Variants in MTUS2 observed in about 807,000 individuals in gnomAD.
MTUS2 encodes microtubule associated scaffold protein 2.
Under a neutral mutation model 114.1 loss-of-function variants are expected in MTUS2, and 40 were observed. The observed-to-expected ratio is 0.35, with a 90% CI of 0.27 to 0.46. The LOEUF (loss-of-function observed/expected upper bound fraction) is 0.46, where lower values mean the gene tolerates loss of function less well. Ranked by LOEUF, MTUS2 falls within the 20% of genes least tolerant of loss-of-function variation. The pLI, the probability that MTUS2 is intolerant of heterozygous loss-of-function variation, is 1.00. For missense variants in MTUS2, 1,679 were observed against 1,705.4 expected, an observed-to-expected ratio of 0.98 and a Z score of 0.27; for synonymous variants, 688 against 672.0, an observed-to-expected ratio of 1.02 and a Z score of -0.37.
chr13:29,154,090 C>A (rs1473266090), intron 5 of MTUS2, among the ~76,000 whole-genome samples: 3 of 152,186 alleles, frequency 2.0e-5, no homozygotes, highest in Non-Finnish European at 4.4e-5. Context: ...CTGTGTTGTT[C>A]CAGCCCTGGC....
At chr13:29,257,716 A>G (rs553745882) in intron 5 of MTUS2, among the ~76,000 whole-genome samples, 2 of 152,370 alleles carry the variant, frequency 1.3e-5, no homozygotes, top group South Asian at 4.1e-4. Flanking sequence ...ACCTACTGAC[A>G]TGTCAGGGAC....
chr13:29,158,358 C>CCCCTTT, intron 5 of MTUS2, among the ~76,000 whole-genome samples: 2 of 32,048 alleles, frequency 6.2e-5, no homozygotes, highest in Non-Finnish European at 1.0e-4. Context: ...GTCCACCCCG[C>CCCCTTT]TTTTTTTTTT....
intron 2 of MTUS2, among the ~76,000 whole-genome samples, chr13:28,891,858 C>CAA (rs1169875500): frequency 0.053 from 2,746 of 51,904 alleles, 122 homozygotes; most frequent in Admixed American, 0.074. Flanking sequence ...GACTCTGTCT[C>CAA]AAAAAAAAAA....
intron 4 of MTUS2, among the ~76,000 whole-genome samples, chr13:29,056,836 T>C (rs1351525750): frequency 1.3e-5 from 2 of 152,126 alleles, no homozygotes; most frequent in East Asian, 3.8e-4. Flanking sequence ...TTTTGGTTAT[T>C]TCTTGTCTTC....
chr13:29,082,057 T>C (rs930738759), intron 4 of MTUS2, among the ~76,000 whole-genome samples: 4 of 152,114 alleles, frequency 2.6e-5, no homozygotes, highest in African/African-American at 4.8e-5. Context: ...GTGATAGGAG[T>C]TGAGGCTTCA....
At chr13:29,267,875 G>A (rs1040654149) in intron 5 of MTUS2, among the ~76,000 whole-genome samples, 3 of 152,200 alleles carry the variant, frequency 2.0e-5, no homozygotes, top group Non-Finnish European at 4.4e-5. Flanking sequence ...CAAAGGAAGT[G>A]GGGGTGCTCA....
chr13:28,833,815 CTG>C (rs965142164), intron 1 of MTUS2, among the ~76,000 whole-genome samples: 15 of 151,900 alleles, frequency 9.9e-5, no homozygotes, highest in African/African-American at 2.7e-4. Context: ...TATACACAGA[CTG>C]TGAGAACTAA....
intron 5 of MTUS2, among the ~76,000 whole-genome samples, chr13:29,237,493 C>T (rs1166917242): frequency 6.6e-6 from 1 of 152,166 alleles, no homozygotes; most frequent in African/African-American, 2.4e-5. Flanking sequence ...TGGAATTCTC[C>T]AGGACCTGCA....
chr13:29,013,927 C>T (rs1488902077), intron 2 of MTUS2, among the ~76,000 whole-genome samples: 1 of 152,192 alleles, frequency 6.6e-6, no homozygotes, highest in Non-Finnish European at 1.5e-5. Flanking sequence ...TTATTATATC[C>T]TGTCTAGCTT....
chr13:29,410,378 C>T (rs1019035199), intron 8 of MTUS2, among the ~76,000 whole-genome samples: 11 of 152,158 alleles, frequency 7.2e-5, no homozygotes, highest in Non-Finnish European at 1.3e-4. Flanking sequence ...CCGCCCGCCT[C>T]GGCCTCCCAA....
chr13:29,276,149 T>C (rs1036231891), intron 5 of MTUS2, among the ~76,000 whole-genome samples: 2 of 152,162 alleles, frequency 1.3e-5, no homozygotes, highest in African/African-American at 4.8e-5. Flanking sequence ...CCACACACTG[T>C]GAGGAATGAA....
intron 1 of MTUS2, among the ~76,000 whole-genome samples, chr13:28,823,880 G>GA (rs1413254482): frequency 6.6e-6 from 1 of 152,114 alleles, no homozygotes; most frequent in Non-Finnish European, 1.5e-5. Flanking sequence ...CAGCAGGAGA[G>GA]AAAAATGAGC....
intron 6 of MTUS2, among the ~76,000 whole-genome samples, chr13:29,286,638 T>C (rs1162001904): frequency 7.4e-6 from 1 of 134,362 alleles, no homozygotes; most frequent in Non-Finnish European, 1.6e-5. Flanking sequence ...CTGAAAGCCA[T>C]GCACTATCTA....
intron 5 of MTUS2, among the ~76,000 whole-genome samples, chr13:29,224,242 A>G (rs1896019905): frequency 6.6e-6 from 1 of 152,226 alleles, no homozygotes; most frequent in African/African-American, 2.4e-5. Flanking sequence ...CATATGATCA[A>G]GTGCTCTCGT....
chr13:29,423,046 C>G (rs1593427320), intron 8 of MTUS2, among the ~76,000 whole-genome samples: 1 of 152,164 alleles, frequency 6.6e-6, no homozygotes, highest in East Asian at 1.9e-4. Flanking sequence ...AATTTTTATT[C>G]AGAGGGGACC....
chr13:29,026,499 G>C lies in MTUS2; in HGVS notation c.1801G>C (p.Val601Leu). ...NTCPSGIPKP[V>L]FTHSKDTPSS... Reference sequence around the variant, plus strand: ...TTGCCCCAGTGGGATCCCCAAGCCTGTCTTCACACATTCCAAGGACACACC... The same window carrying C: ...TTGCCCCAGTGGGATCCCCAAGCCTCTCTTCACACATTCCAAGGACACACC... Residue 601 changes from valine to leucine, a missense_variant, in exon 3 of 16, where the codon GTC becomes CTC. Transcript: ENST00000612955. 3.7e-6 allele frequency: 6 copies of C among 1,613,978 alleles called. No individual in the cohort carries two copies. Among genetic ancestry groups the C allele is most frequent in the Non-Finnish European group, 5.1e-6 (6 of 1,179,892 alleles).
At chr13:29,126,976 T>G (rs1891545832) in intron 5 of MTUS2, among the ~76,000 whole-genome samples, 1 of 152,180 alleles carries the variant, frequency 6.6e-6, no homozygotes, top group Non-Finnish European at 1.5e-5. Context: ...TCAGTCAGTG[T>G]TCAGTGCTCT....
At chr13:28,993,708 A>T (rs933964982) in intron 2 of MTUS2, among the ~76,000 whole-genome samples, 4 of 152,014 alleles carry the variant, frequency 2.6e-5, no homozygotes, top group African/African-American at 9.7e-5. Flanking sequence ...TGAAGATGAG[A>T]TGGCTGTACA....
At chr13:28,849,902 C>T (rs924327285) in intron 2 of MTUS2, among the ~76,000 whole-genome samples, 1 of 152,134 alleles carries the variant, frequency 6.6e-6, no homozygotes, top group Non-Finnish European at 1.5e-5. Context: ...CATAAAAAGT[C>T]TTTAACAATC....
Sources: gnomAD v4.1 joint callset for allele counts (sites outside exome capture counted in the v4.1 genomes callset) on GRCh38, gnomAD v4.1.1 for gene constraint, MANE v1.5 for transcripts, NCBI Gene and HGNC (gene_info 2026-07-23, HGNC 2026-07-21) for gene names.